KCND3: variants seen among roughly 807,000 people sequenced by gnomAD.
The protein encoded by KCND3 is potassium voltage-gated channel subfamily D member 3.
In KCND3, 9 loss-of-function variants were observed where a neutral mutation model predicts 51.1. The ratio of observed to expected loss-of-function variants is 0.18; its 90% CI spans 0.11 to 0.31. KCND3 has a LOEUF of 0.31. Ranked by LOEUF, KCND3 falls within the 10% of genes least tolerant of loss-of-function variation. The pLI, the probability that KCND3 is intolerant of heterozygous loss-of-function variation, is 1.00. For missense variants in KCND3, 526 were observed against 903.8 expected (o/e 0.58, Z 5.36); for synonymous variants, 349 against 368.0 (o/e 0.95, Z 0.59).
chr1:111,825,376 T>A (rs1280756667), intron 2 of KCND3, among the ~76,000 whole-genome samples: 1 of 152,180 alleles, frequency 6.6e-6, no homozygotes. Context: ...AGCACACTAA[T>A]CTCTGCCATG....
At chr1:111,960,640 G>C (rs1313764591) in intron 2 of KCND3, among the ~76,000 whole-genome samples, 1 of 152,244 alleles carries the variant, frequency 6.6e-6, no homozygotes, top group Admixed American at 6.5e-5. Context: ...GGTAGGGGGA[G>C]AAATCCCATG....
At chr1:111,800,762 A>C (rs645639) in intron 2 of KCND3, among the ~76,000 whole-genome samples, 20,881 of 152,182 alleles carry the variant, frequency 0.14, 2,504 homozygotes, top group African/African-American at 0.32. Flanking sequence ...CCAGCCCCTC[A>C]GCTCTGGAGA....
intron 2 of KCND3, among the ~76,000 whole-genome samples, chr1:111,856,415 G>A (rs1668073821): frequency 6.6e-6 from 1 of 152,214 alleles, no homozygotes; most frequent in African/African-American, 2.4e-5. Flanking sequence ...ATGAGTGGAA[G>A]CTCTCTGCGT....
intron 2 of KCND3, among the ~76,000 whole-genome samples, chr1:111,941,994 C>T (rs1165239651): frequency 6.6e-6 from 1 of 152,180 alleles, no homozygotes; most frequent in Non-Finnish European, 1.5e-5. Flanking sequence ...CTGCTTTTCA[C>T]AGGCTCCTGC....
At chr1:111,913,925 C>G (rs907674092) in intron 2 of KCND3, among the ~76,000 whole-genome samples, 1 of 151,922 alleles carries the variant, frequency 6.6e-6, no homozygotes, top group African/African-American at 2.4e-5. Context: ...AAAAACAAAC[C>G]CCACAAGTTA....
At chr1:111,877,205 A>G (rs1669087628) in intron 2 of KCND3, among the ~76,000 whole-genome samples, 1 of 152,158 alleles carries the variant, frequency 6.6e-6, no homozygotes, top group African/African-American at 2.4e-5. Flanking sequence ...CATACTGAGC[A>G]CTCCCGTGAA....
At chr1:111,813,419 T>C (rs1037589790) in intron 2 of KCND3, among the ~76,000 whole-genome samples, 3 of 152,198 alleles carry the variant, frequency 2.0e-5, no homozygotes, top group African/African-American at 7.2e-5. Context: ...CCAAGTCTCT[T>C]CTCCCTCAGC....
intron 2 of KCND3, among the ~76,000 whole-genome samples, chr1:111,931,211 A>G (rs1315978267): frequency 1.3e-5 from 2 of 152,166 alleles, no homozygotes; most frequent in Non-Finnish European, 2.9e-5. Context: ...TATCTACAAG[A>G]GGTAGGTGGG....
chr1:111,832,704 G>T (rs548406122), intron 2 of KCND3, among the ~76,000 whole-genome samples: 3 of 151,976 alleles, frequency 2.0e-5, no homozygotes, highest in Non-Finnish European at 4.4e-5. Flanking sequence ...CGCCCAGAAT[G>T]CAGTGGCAGA....
intron 2 of KCND3, among the ~76,000 whole-genome samples, chr1:111,884,592 C>A (rs1669485215): frequency 6.6e-6 from 1 of 152,154 alleles, no homozygotes; most frequent in Non-Finnish European, 1.5e-5. Context: ...GAGCAGGGCA[C>A]CCCTGGACAA....
At chr1:111,832,500 C>T (rs907699952) in intron 2 of KCND3, among the ~76,000 whole-genome samples, 7 of 152,214 alleles carry the variant, frequency 4.6e-5, no homozygotes, top group Admixed American at 2.0e-4. Flanking sequence ...CATTATCTCA[C>T]TCCCTTTCCT....
chr1:111,827,761 C>T (rs1036493456), intron 2 of KCND3, among the ~76,000 whole-genome samples: 1 of 152,168 alleles, frequency 6.6e-6, no homozygotes, highest in African/African-American at 2.4e-5. Context: ...GCTCTCTGCC[C>T]TCCTGGGTGA....
At chr1:111,908,290 G>C (rs956269636) in intron 2 of KCND3, among the ~76,000 whole-genome samples, 1 of 152,168 alleles carries the variant, frequency 6.6e-6, no homozygotes, top group Non-Finnish European at 1.5e-5. Flanking sequence ...CCATTTACTA[G>C]TGAGTAAATC....
At chr1:111,892,088 G>A (rs1032150472) in intron 2 of KCND3, among the ~76,000 whole-genome samples, 1 of 152,174 alleles carries the variant, frequency 6.6e-6, no homozygotes, top group Non-Finnish European at 1.5e-5. Context: ...GCAGACTTGG[G>A]AATAAGGGAC....
At chr1:111,791,397 C>T (rs1431458903) in intron 2 of KCND3, among the ~76,000 whole-genome samples, 1 of 152,336 alleles carries the variant, frequency 6.6e-6, no homozygotes, top group South Asian at 2.1e-4. Flanking sequence ...GGCAGCCATG[C>T]TGTCTGCCAT....
At chr1:111,853,348 A>G (rs1014368734) in intron 2 of KCND3, among the ~76,000 whole-genome samples, 7 of 152,208 alleles carry the variant, frequency 4.6e-5, no homozygotes, top group Non-Finnish European at 1.0e-4. Context: ...CTTGTATGTG[A>G]AAGTGGCAAG....
chr1:111,828,185 T>C (rs903177554), intron 2 of KCND3, among the ~76,000 whole-genome samples: 1 of 151,884 alleles, frequency 6.6e-6, no homozygotes, highest in Non-Finnish European at 1.5e-5. Flanking sequence ...CTATGTTCGC[T>C]GGGCTCAGGG....
intron 2 of KCND3, among the ~76,000 whole-genome samples, chr1:111,897,639 G>A (rs777070602): frequency 1.3e-5 from 2 of 152,222 alleles, no homozygotes; most frequent in East Asian, 1.9e-4. Context: ...GGACTGAGGC[G>A]TTGAAGGCAC....
At chr1:111,934,805 C>T (rs900258963) in intron 2 of KCND3, among the ~76,000 whole-genome samples, 3 of 152,144 alleles carry the variant, frequency 2.0e-5, no homozygotes, top group Non-Finnish European at 4.4e-5. Flanking sequence ...TGGGCAAGTG[C>T]TATAAACTGC....
Sources: gnomAD v4.1 joint callset for allele counts (sites outside exome capture counted in the v4.1 genomes callset) on GRCh38, gnomAD v4.1.1 for gene constraint, MANE v1.5 for transcripts, NCBI Gene and HGNC (gene_info 2026-07-23, HGNC 2026-07-21) for gene names.